The following CSNK1A1 variants were observed in gnomAD, a reference collection of about 807,000 sequenced individuals.
CSNK1A1 encodes casein kinase 1 alpha 1, also known as casein kinase I isoform alpha.
Under a neutral mutation model 46.1 loss-of-function variants are expected in CSNK1A1, and 7 were observed. The observed-to-expected ratio is 0.15, with a 90% CI of 0.09 to 0.29. The LOEUF is 0.29. Ranked by LOEUF, CSNK1A1 falls within the 10% of genes least tolerant of loss-of-function variation. The pLI is 1.00. For missense variants in CSNK1A1, 96 were observed against 417.1 expected, an observed-to-expected ratio of 0.23 and a Z score of 6.71; for synonymous variants, 137 against 141.5, an observed-to-expected ratio of 0.97 and a Z score of 0.23.
chr5:149,501,663 A>G, intron 9 of CSNK1A1: 3 of 985,338 alleles, frequency 3.0e-6, no homozygotes, highest in Non-Finnish European at 3.6e-6. Context: ...AGATGATGAG[A>G]GTACAGAATA....
intron 9 of CSNK1A1, chr5:149,503,341 G>A: frequency 1.0e-6 from 1 of 985,348 alleles, no homozygotes; most frequent in South Asian, 4.7e-5. Flanking sequence ...TGAGCACAAA[G>A]TTTTGTATTA....
chr5:149,542,666 ATATATGTATATATATATATATATATATT>A (rs1762331455), intron 2 of CSNK1A1, among the ~76,000 whole-genome samples: 2 of 7,590 alleles, frequency 2.6e-4, no homozygotes, highest in African/African-American at 6.6e-4. Flanking sequence ...ATATATATAT[ATATATGTATATATATATATATATATATT>A]TTTTTTTTTT....
At chr5:149,540,649 AAAAT>A (rs1185076259) in intron 2 of CSNK1A1, among the ~76,000 whole-genome samples, 1 of 152,204 alleles carries the variant, frequency 6.6e-6, no homozygotes, top group South Asian at 2.1e-4. Flanking sequence ...ACAGACTTAA[AAAAT>A]AAATAAATAA....
intron 2 of CSNK1A1, among the ~76,000 whole-genome samples, chr5:149,548,861 G>A (rs1762566883): frequency 6.6e-6 from 1 of 152,194 alleles, no homozygotes; most frequent in African/African-American, 2.4e-5. Context: ...TCTTAAAGAA[G>A]AGGCTCCAGT....
intron 8 of CSNK1A1, among the ~76,000 whole-genome samples, chr5:149,506,043 C>T (rs544574161): frequency 1.3e-5 from 2 of 152,006 alleles, no homozygotes; most frequent in African/African-American, 2.4e-5. Context: ...TCTCCTGCCT[C>T]GGCCTCCTGA....
At chr5:149,537,192 A>G (rs1194932437) in intron 2 of CSNK1A1, among the ~76,000 whole-genome samples, 2 of 152,112 alleles carry the variant, frequency 1.3e-5, no homozygotes, top group African/African-American at 4.8e-5. Context: ...CCTGGCCAAC[A>G]TGGTGAAACC....
intron 9 of CSNK1A1, chr5:149,501,075 A>T (rs976331635): frequency 1.0e-6 from 1 of 985,424 alleles, no homozygotes; most frequent in Non-Finnish European, 1.2e-6. Flanking sequence ...CCACTGAGTC[A>T]TAGCAACGCT....
chr5:149,500,483 C>T (rs1169511865), intron 9 of CSNK1A1, among the ~76,000 whole-genome samples: 1 of 151,554 alleles, frequency 6.6e-6, no homozygotes, highest in Non-Finnish European at 1.5e-5. Context: ...TTCACTGTGT[C>T]AGCCAGGATG....
At chr5:149,548,327 G>A (rs1662509339) in intron 2 of CSNK1A1, among the ~76,000 whole-genome samples, 1 of 152,176 alleles carries the variant, frequency 6.6e-6, no homozygotes, top group Admixed American at 6.6e-5. Context: ...AGCACTTTGG[G>A]AGGCTGAGGC....
chr5:149,527,957 T>A (rs1339486683), intron 2 of CSNK1A1, among the ~76,000 whole-genome samples: 1 of 152,216 alleles, frequency 6.6e-6, no homozygotes, highest in Non-Finnish European at 1.5e-5. Context: ...GCAAATGTTA[T>A]AACCATCCAT....
At chr5:149,498,574 C>A (rs1473784313) in intron 9 of CSNK1A1, 1 of 984,420 alleles carries the variant, frequency 1.0e-6, no homozygotes, top group African/African-American at 1.8e-5. Context: ...GGTTAAGAAA[C>A]TAAGGATTAA....
At chr5:149,521,150 A>G (rs1225514864) in intron 3 of CSNK1A1, among the ~76,000 whole-genome samples, 2 of 151,842 alleles carry the variant, frequency 1.3e-5, no homozygotes, top group Non-Finnish European at 2.9e-5. Flanking sequence ...TTTTATTTCT[A>G]TGGGCTTCAA....
At position 149,550,778 on chromosome 5, in the gene CSNK1A1, CGGT is replaced by C; in HGVS notation, c.123+61_123+63del. 6.2e-7 allele frequency: 1 copy of C among 1,607,504 alleles called. No homozygotes were observed. The highest frequency in any genetic ancestry group is 8.5e-7 in the Non-Finnish European group (1 of 1,175,926). On this transcript the variant is annotated intron_variant, in intron 1 of 9. Transcript: ENST00000377843. The surrounding 1 kb of genome is among the most constrained non-coding windows in gnomAD (Gnocchi z 4.3). ...GAGGCCCGAGCACTTTGGGGGTGCA[CGGT>C]GGTGGTGGGGGGAATGAGTAAAAGC...
intron 9 of CSNK1A1, 89 bp downstream of exon 9, chr5:149,505,358 C>A: frequency 6.7e-7 from 1 of 1,486,458 alleles, no homozygotes; most frequent in Non-Finnish European, 9.0e-7. Flanking sequence ...TTTAAAACCA[C>A]CTCCTTGATC....
chr5:149,509,455 C>T (rs752822), intron 7 of CSNK1A1, among the ~76,000 whole-genome samples: 36,300 of 151,400 alleles, frequency 0.24, 5,026 homozygotes, highest in Admixed American at 0.4. Flanking sequence ...CAGATCCTTG[C>T]AAGACAGCCA....
intron 9 of CSNK1A1, chr5:149,504,462 A>G (rs1417561557): frequency 1.0e-6 from 1 of 985,368 alleles, no homozygotes; most frequent in Non-Finnish European, 1.2e-6. Flanking sequence ...ATTAGAAACC[A>G]AGAGCCAAAT....
chr5:149,515,104 G>C (rs1317927105), intron 4 of CSNK1A1, among the ~76,000 whole-genome samples: 1 of 152,076 alleles, frequency 6.6e-6, no homozygotes, highest in East Asian at 1.9e-4. Flanking sequence ...AGAAAACATG[G>C]GGAAAATAAA....
rs1561772842 is a variant in CSNK1A1, at chr5:149,542,684, A to T, written c.230+7391T>A. 3.9e-3 allele frequency among the ~76,000 whole-genome samples: 68 copies of T among 17,284 alleles called. 8 individuals carry two copies. Among genetic ancestry groups the T allele is most frequent in the East Asian group, 0.012 (4 of 336 alleles). 11.3% of individuals were successfully genotyped at this position (17,284 alleles called of 152,430 possible). A position where few individuals can be genotyped will look rare whatever the true frequency, so the allele number is the denominator to read the frequency against. ...TATATATATATATGTATATATATAT[A>T]TATATATATTTTTTTTTTTTTTTTT... On this transcript the variant is annotated intron_variant, in intron 2 of 9. Transcript: ENST00000377843.
chr5:149,493,897 A>G lies in CSNK1A1; in HGVS notation c.*2956T>C, dbSNP rs1329444104. On this transcript the variant is annotated 3_prime_UTR_variant, in exon 10 of 10. Coordinates refer to ENST00000377843, the MANE Select transcript of CSNK1A1 (RefSeq NM_001892.6). Reference sequence around the variant, plus strand: ...GAGAAAACCTAAAATAATGCTTTATACCAGTTTGAGTCAGAACCAGACTGT... The same window carrying G: ...GAGAAAACCTAAAATAATGCTTTATGCCAGTTTGAGTCAGAACCAGACTGT... 2.0e-5 allele frequency: 3 copies of G among 152,196 alleles called. No individual in the cohort carries two copies. Among genetic ancestry groups the G allele is most frequent in the African/African-American group, 7.2e-5 (3 of 41,454 alleles). 9.4% of individuals were successfully genotyped at this position (152,196 alleles called of 1,614,324 possible).
Sources: allele counts gnomAD v4.1 joint callset (sites outside exome capture counted in the v4.1 genomes callset), GRCh38; gene constraint gnomAD v4.1.1; non-coding constraint Gnocchi (gnomAD v3.1); transcripts MANE v1.5; gene names NCBI Gene and HGNC (gene_info 2026-07-23, HGNC 2026-07-21).